Variants in ECI1 observed in about 807,000 individuals in gnomAD.
ECI1 encodes the protein enoyl-CoA delta isomerase 1.
In ECI1, 34 loss-of-function variants were observed where a neutral mutation model predicts 34.2. That is an observed-to-expected ratio of 1.00 (90% CI 0.76 to 1.33). The LOEUF is 1.33. Ranked by LOEUF, ECI1 falls within the 40% of genes most tolerant of loss-of-function variation. ECI1 has a pLI of 0.00. For missense variants in ECI1, 456 were observed against 422.2 expected (o/e 1.08, Z -0.70); for synonymous variants, 211 against 193.0 (o/e 1.09, Z -0.77).
chr16:2,239,575 G>T lies in ECI1; in HGVS notation c.*404C>A. On this transcript the variant is annotated 3_prime_UTR_variant, in exon 7 of 7. Coordinates refer to ENST00000301729, the MANE Select transcript of ECI1 (RefSeq NM_001919.4). ...CAGTGACCAAAGGGCTTTTCCCTGG[G>T]GAGTTCTGTGTGGGTCATGGGGGCC... is the stretch of plus-strand genomic sequence containing the variant. 1 of 328,244 alleles carries T rather than the reference G, an allele frequency of 3.0e-6. No individual in the cohort carries two copies. Among genetic ancestry groups the T allele is most frequent in the South Asian group, 2.6e-5 (1 of 38,434 alleles). The allele number at this position is 328,244 out of a possible 1,614,324, so 20.3% of individuals were successfully genotyped here.
rs1165760035 is a variant in ECI1, at chr16:2,243,370, T to A, written c.511A>T (p.Arg171Trp). The A allele has an allele frequency of 6.2e-7, 1 of 1,613,724 alleles. No individual in the cohort carries two copies. The highest frequency in any genetic ancestry group is 1.3e-5 in the African/African-American group (1 of 75,062). Residue 171 changes from arginine to tryptophan, a missense_variant, in exon 5 of 7, where the codon AGG (arginine) becomes TGG (tryptophan). By Grantham distance (101) the Arg-to-Trp change is moderately radical (BLOSUM62 -3). Coordinates refer to ENST00000301729, the MANE Select transcript of ECI1 (RefSeq NM_001919.4). ...CDYRILADNP[R>W]YCIGLNETQL... Reference sequence around the variant, plus strand: ...GTCTCATTGAGTCCTATGCAGTACCTGGGGTTGTCCGCCAGGATGCGGTAG... The same window carrying A: ...GTCTCATTGAGTCCTATGCAGTACCAGGGGTTGTCCGCCAGGATGCGGTAG...
chr16:2,240,007 A>G lies in ECI1; in HGVS notation c.881T>C (p.Leu294Ser), dbSNP rs763657190. Residue 294 changes from leucine (L) to serine (S), a missense_variant, in exon 7 of 7, where the codon TTA (leucine) becomes TCA (serine). Physicochemically the swap from Leu to Ser is moderately radical, Grantham distance 145 (BLOSUM62 -2). Coordinates refer to ENST00000301729, the MANE Select transcript of ECI1 (RefSeq NM_001919.4). ...GCCTTTTTCTTCTTTGAGCCTCTCTAAGTACATCTGCAGGGACTTCTGGAT... is the reference window on the plus strand; with the variant it reads ...GCCTTTTTCTTCTTTGAGCCTCTCTGAGTACATCTGCAGGGACTTCTGGAT... The part of the protein sequence containing the change: ...DSIQKSLQMY[L>S]ERLKEEKG 1 of 1,613,836 alleles carries G rather than the reference A, an allele frequency of 6.2e-7. No individual in the cohort carries two copies. Among genetic ancestry groups the G allele is most frequent in the Non-Finnish European group, 8.5e-7 (1 of 1,180,012 alleles).
chr16:2,243,798 GC>G (rs1446095390), intron 4 of ECI1, among the ~76,000 whole-genome samples: 2 of 152,194 alleles, frequency 1.3e-5, no homozygotes, highest in African/African-American at 2.4e-5. Context: ...TAACTGTCAT[GC>G]CCCAAGGGGG....
At position 2,239,821 on chromosome 16, in the gene ECI1, TG is replaced by T; in HGVS notation, c.*157del. 1 of 770,548 alleles carries T rather than the reference TG, an allele frequency of 1.3e-6. No homozygotes were observed. The highest frequency in any genetic ancestry group is 2.2e-6 in the Non-Finnish European group (1 of 450,832). 47.7% of individuals were successfully genotyped at this position (770,548 alleles called of 1,614,324 possible). On this transcript the variant is annotated 3_prime_UTR_variant, in exon 7 of 7. Coordinates refer to ENST00000301729, the MANE Select transcript of ECI1 (RefSeq NM_001919.4). ...GCACCCATGTGTGTTTGTGTGTGGCTGGGCCTTGGGCCACTGGGCTATGAGG... is the reference window on the plus strand; with the variant it reads ...GCACCCATGTGTGTTTGTGTGTGGCTGGCCTTGGGCCACTGGGCTATGAGG...
At position 2,240,072 on chromosome 16, in the gene ECI1, C is replaced by G. The variant is rs151227142; in HGVS notation, c.816G>C (p.Ala272=). 6.2e-7 allele frequency: 1 copy of G among 1,614,008 alleles called. No homozygotes were observed. Among genetic ancestry groups the G allele is most frequent in the Non-Finnish European group, 8.5e-7 (1 of 1,180,042 alleles). Residue 272 remains alanine, a synonymous_variant, in exon 7 of 7, where the codon GCG becomes GCC. Transcript: ENST00000301729. ...TGAAGCTGACGAAGTTCTGCACGTCCGCATCGCGCTGCGTGACCAGGCGGC... is the reference window on the plus strand; with the variant it reads ...TGAAGCTGACGAAGTTCTGCACGTCGGCATCGCGCTGCGTGACCAGGCGGC... The part of the protein sequence containing the change: ...TASRLVTQRD[A]DVQNFVSFIS...
At position 2,251,545 on chromosome 16, in the gene ECI1, G is replaced by C. The variant is rs749484668; in HGVS notation, c.22C>G (p.Arg8Gly). The change falls in exon 1 of 7, where the codon CGA becomes GGA. Residue 8 changes from arginine to glycine, a missense_variant. By Grantham distance (125) the Arg-to-Gly change is moderately radical. Coordinates refer to ENST00000301729, the MANE Select transcript of ECI1 (RefSeq NM_001919.4). ...CGGAGCAGAACGCGCGCCGGGACTC[G>C]CACAGAAGCCACCAGCGCCATCTTG... MALVASVRVPARVLLRAG... is the reference protein window; with the variant it reads MALVASVGVPARVLLRAG... The C allele has an allele frequency of 1.5e-5, 23 of 1,560,482 alleles. No homozygotes were observed. The highest frequency in any genetic ancestry group is 1.7e-4 in the Middle Eastern group (1 of 5,834).
intron 3 of ECI1, 78 bp downstream of exon 3, chr16:2,246,781 G>A (rs534677999): frequency 2.7e-5 from 43 of 1,600,100 alleles, no homozygotes; most frequent in African/African-American, 1.7e-4. Flanking sequence ...CCTCTTCCAT[G>A]TGCAACAGGC....
intron 2 of ECI1, among the ~76,000 whole-genome samples, chr16:2,249,434 G>C (rs2093547642): frequency 6.6e-6 from 1 of 152,036 alleles, no homozygotes; most frequent in Admixed American, 6.6e-5. Context: ...GTTGTACATT[G>C]CAAAATGGCT....
intron 3 of ECI1, among the ~76,000 whole-genome samples, chr16:2,245,254 G>A (rs2093537579): frequency 6.6e-6 from 1 of 152,162 alleles, no homozygotes; most frequent in African/African-American, 2.4e-5. Context: ...TTTTCCTCCC[G>A]AGGGCCAGAC....
intron 2 of ECI1, among the ~76,000 whole-genome samples, chr16:2,248,321 G>A (rs895285130): frequency 7.2e-5 from 11 of 151,856 alleles, no homozygotes; most frequent in Admixed American, 7.2e-4. Flanking sequence ...GGATGGTCTC[G>A]ATCTCTTGAC....
At chr16:2,242,523 G>A (rs2093530183) in intron 6 of ECI1, 1 of 175,180 alleles carries the variant, frequency 5.7e-6, no homozygotes, top group African/African-American at 2.4e-5. Context: ...CAAAAGATAG[G>A]TCCAAGCCCT....
chr16:2,244,316 A>C, intron 4 of ECI1, 90 bp downstream of exon 4: 18 of 1,446,386 alleles, frequency 1.2e-5, no homozygotes, highest in Non-Finnish European at 1.6e-5. Flanking sequence ...TTCCCCTGTG[A>C]GAGATTCCAA....
intron 2 of ECI1, among the ~76,000 whole-genome samples, chr16:2,250,024 A>G (rs1251181477): frequency 1.4e-5 from 2 of 147,912 alleles, no homozygotes; most frequent in African/African-American, 2.5e-5. Context: ...AAAAAAAAAA[A>G]TAATAATTTT....
At position 2,239,897 on chromosome 16, in the gene ECI1, T is replaced by A; in HGVS notation, c.*82A>T. 3 of 1,464,152 alleles carry A rather than the reference T, an allele frequency of 2.0e-6. No homozygotes were observed. Among genetic ancestry groups the A allele is most frequent in the Non-Finnish European group, 2.9e-6 (3 of 1,045,268 alleles). 90.7% of individuals were successfully genotyped at this position (1,464,152 alleles called of 1,614,324 possible). A position where few individuals can be genotyped will look rare whatever the true frequency, so the allele number is the denominator to read the frequency against. The stretch of plus-strand genomic sequence containing the variant: ...GCAAAATGAAACGCTGGCAGTACTT[T>A]TAAGTTGAAAAATACCTTGTTTAAG... On this transcript the variant is annotated 3_prime_UTR_variant, in exon 7 of 7. Transcript: ENST00000301729.
rs78620044 is a variant in ECI1, at chr16:2,239,454, T to C, written c.*525A>G. 55 of 174,024 alleles carry C rather than the reference T, an allele frequency of 3.2e-4. 1 individual carries two copies. The South Asian group carries it at 7.0e-3, about 22-fold the overall frequency. The allele number at this position is 174,024 out of a possible 1,614,324, so 10.8% of individuals were successfully genotyped here. ...CCTTCTTAAGGGACATTTGGATCCC[T>C]GGCAGCACAGCTGCCTCCAGAGTCC... On this transcript the variant is annotated 3_prime_UTR_variant, in exon 7 of 7. Coordinates refer to ENST00000301729, the MANE Select transcript of ECI1 (RefSeq NM_001919.4).
In ECI1 at chr16:2,243,166, G is replaced by T. The variant is rs756800787; in HGVS notation, c.622C>A (p.Leu208Met). The T allele has an allele frequency of 7.5e-6, 12 of 1,607,884 alleles. No individual in the cohort carries two copies. The highest frequency in any genetic ancestry group is 9.3e-6 in the Non-Finnish European group (11 of 1,179,818). Residue 208 changes from leucine to methionine, a missense_variant, in exon 6 of 7, where the codon CTG becomes ATG. By Grantham distance (15) the Leu-to-Met change is conservative. Coordinates refer to ENST00000301729, the MANE Select transcript of ECI1 (RefSeq NM_001919.4). The stretch of plus-strand genomic sequence containing the variant: ...TCCGCCGGCGGGAAGAGCAGCCCCA[G>T]CTGCAGGGCACGCTCCGCCGCCCGG... ...GHRAAERALQ[L>M]GLLFPPAEAL...
Position 2,240,194 on chromosome 16 carries a change from G to A in ECI1, c.743-49C>T, listed in dbSNP as rs779372165. ...TGAAATCCCACTTTCAGGGGCAGTG[G>A]GGTGATTCCCAACTTATTTTTTATT... On this transcript the variant is annotated intron_variant, in intron 6 of 6. Coordinates refer to ENST00000301729, the MANE Select transcript of ECI1 (RefSeq NM_001919.4). 3.1e-6 allele frequency: 5 copies of A among 1,592,562 alleles called. No homozygotes were observed. The Admixed American group carries it at 5.0e-5, about 16-fold the overall frequency.
intron 6 of ECI1, 118 bp from the exon 7 acceptor site, chr16:2,240,263 G>C: frequency 8.8e-7 from 1 of 1,134,150 alleles, no homozygotes; most frequent in Non-Finnish European, 1.3e-6. Flanking sequence ...CCAGGCTGGA[G>C]TGCAATGGTG....
chr16:2,243,149 C>A lies in ECI1; in HGVS notation c.639G>T (p.Pro213=). ...TGCCCACCTGCAGGGCCTCCGCCGG[C>A]GGGAAGAGCAGCCCCAGCTGCAGGG... ...ERALQLGLLF[P]PAEALQVGIV... The change falls in exon 6 of 7, where the codon CCG becomes CCT. Residue 213 remains proline (P), a synonymous_variant. Transcript: ENST00000301729. 1.2e-6 allele frequency: 2 copies of A among 1,606,914 alleles called. No homozygotes were observed. Among genetic ancestry groups the A allele is most frequent in the Non-Finnish European group, 8.5e-7 (1 of 1,179,698 alleles).
Sources: allele counts gnomAD v4.1 joint callset (sites outside exome capture counted in the v4.1 genomes callset), GRCh38; gene constraint gnomAD v4.1.1; transcripts MANE v1.5; gene names NCBI Gene and HGNC (gene_info 2026-07-23, HGNC 2026-07-21).